Variants in GADL1 observed in about 807,000 individuals in gnomAD.
GADL1 encodes acidic amino acid decarboxylase GADL1.
Under a neutral mutation model 69.5 loss-of-function variants are expected in GADL1, and 71 were observed. The observed-to-expected ratio is 1.02, with a 90% CI of 0.84 to 1.25. GADL1 has a LOEUF of 1.25. Among genes scored for constraint, GADL1 ranks in the 50% most tolerant of loss-of-function variants. The pLI is 0.00. For synonymous variants in GADL1, 254 were observed against 214.4 expected (o/e 1.18, Z -1.62); for missense variants, 737 against 631.8 (o/e 1.17, Z -1.79).
At chr3:30,888,613 C>G (rs1289674582) in intron 1 of GADL1, among the ~76,000 whole-genome samples, 1 of 152,074 alleles carries the variant, frequency 6.6e-6, no homozygotes, top group African/African-American at 2.4e-5. Context: ...GTACTGCCTT[C>G]AAATCAAGAG....
chr3:30,868,927 T>A (rs1028651577), intron 1 of GADL1, among the ~76,000 whole-genome samples: 12 of 151,816 alleles, frequency 7.9e-5, no homozygotes, highest in Non-Finnish European at 1.3e-4. Flanking sequence ...GCAAAGACGC[T>A]GGGGACCAAG....
chr3:30,742,921 A>T (rs1503092), intron 14 of GADL1, among the ~76,000 whole-genome samples: 57,677 of 151,508 alleles, frequency 0.38, 12,472 homozygotes, highest in African/African-American at 0.59. Context: ...TGAAATTGCT[A>T]CTTAAAGCAT....
intron 11 of GADL1, among the ~76,000 whole-genome samples, chr3:30,822,114 G>GA (rs1575221168): frequency 6.6e-6 from 1 of 152,038 alleles, no homozygotes; most frequent in African/African-American, 2.4e-5. Context: ...TTTCTCTATA[G>GA]ATGAATAGTT....
intron 14 of GADL1, among the ~76,000 whole-genome samples, chr3:30,753,678 A>G (rs1695891170): frequency 6.6e-6 from 1 of 152,188 alleles, no homozygotes; most frequent in African/African-American, 2.4e-5. Flanking sequence ...CCCAGTTCAT[A>G]TTTAGATAAT....
intron 12 of GADL1, among the ~76,000 whole-genome samples, chr3:30,794,797 C>CTA (rs1696995507): frequency 6.6e-6 from 1 of 152,162 alleles, no homozygotes; most frequent in African/African-American, 2.4e-5. Context: ...ATGAAGAGGG[C>CTA]TATCTGATCG....
intron 14 of GADL1, among the ~76,000 whole-genome samples, chr3:30,738,390 T>C (rs1559483375): frequency 6.6e-6 from 1 of 152,148 alleles, no homozygotes; most frequent in East Asian, 1.9e-4. Flanking sequence ...AAGAATCATG[T>C]TATCCAAAAT....
At chr3:30,779,661 A>T (rs1559497515) in intron 13 of GADL1, among the ~76,000 whole-genome samples, 1 of 152,244 alleles carries the variant, frequency 6.6e-6, no homozygotes, top group Non-Finnish European at 1.5e-5. Flanking sequence ...TTGAGCATTT[A>T]ATGTGAACAC....
At chr3:30,788,368 T>C (rs749671137) in intron 12 of GADL1, among the ~76,000 whole-genome samples, 10 of 152,204 alleles carry the variant, frequency 6.6e-5, no homozygotes, top group Admixed American at 2.0e-4. Context: ...GAGTTTACAA[T>C]GGCATTATGT....
chr3:30,874,590 C>CT (rs1698550502), intron 1 of GADL1, among the ~76,000 whole-genome samples: 2 of 152,044 alleles, frequency 1.3e-5, no homozygotes, highest in African/African-American at 4.8e-5. Flanking sequence ...ACAGAGATTG[C>CT]TTGAAGCCTG....
intron 8 of GADL1, among the ~76,000 whole-genome samples, chr3:30,842,822 T>TAAAAAA (rs558126002): frequency 8.6e-4 from 89 of 103,434 alleles, no homozygotes; most frequent in African/African-American, 1.9e-3. Context: ...TTGGAATGTT[T>TAAAAAA]AAAAAAAAAA....
intron 11 of GADL1, among the ~76,000 whole-genome samples, chr3:30,820,256 C>T (rs1697547818): frequency 6.6e-6 from 1 of 151,794 alleles, no homozygotes; most frequent in South Asian, 2.1e-4. Flanking sequence ...AAACTCAATA[C>T]TAGATAATTT....
chr3:30,809,945 T>C (rs1697321423), intron 11 of GADL1, among the ~76,000 whole-genome samples: 1 of 152,210 alleles, frequency 6.6e-6, no homozygotes, highest in Non-Finnish European at 1.5e-5. Flanking sequence ...GAGACAACAA[T>C]CTTGCTCTAA....
intron 14 of GADL1, among the ~76,000 whole-genome samples, chr3:30,762,350 G>A (rs1028490280): frequency 3.9e-5 from 6 of 152,100 alleles, no homozygotes; most frequent in Admixed American, 6.6e-5. Context: ...AGGGTCCTTC[G>A]AAGACTGAAG....
At chr3:30,785,598 G>C (rs566742652) in intron 13 of GADL1, among the ~76,000 whole-genome samples, 1 of 151,968 alleles carries the variant, frequency 6.6e-6, no homozygotes, top group African/African-American at 2.4e-5. Context: ...GGCTGGTCTC[G>C]AACTCCTCAC....
intron 8 of GADL1, among the ~76,000 whole-genome samples, chr3:30,841,760 G>A (rs141519407): frequency 6.6e-6 from 1 of 152,090 alleles, no homozygotes; most frequent in Non-Finnish European, 1.5e-5. Flanking sequence ...GGAGTGGAGG[G>A]TATTGTGATG....
At chr3:30,811,051 C>A (rs188493110) in intron 11 of GADL1, among the ~76,000 whole-genome samples, 5 of 152,176 alleles carry the variant, frequency 3.3e-5, no homozygotes, top group Admixed American at 1.3e-4. Flanking sequence ...GACTCCCCTT[C>A]CCCTTCCAGA....
At chr3:30,807,854 A>G (rs1459275850) in intron 11 of GADL1, among the ~76,000 whole-genome samples, 13 of 151,620 alleles carry the variant, frequency 8.6e-5, no homozygotes, top group African/African-American at 3.1e-4. Context: ...CAACATGGCG[A>G]AACACCATCT....
At chr3:30,765,302 T>C (rs1295384496) in intron 14 of GADL1, among the ~76,000 whole-genome samples, 1 of 62,006 alleles carries the variant, frequency 1.6e-5, no homozygotes, top group Non-Finnish European at 3.4e-5. Flanking sequence ...CCTAGGTTTT[T>C]ACTGCAGACC....
intron 11 of GADL1, among the ~76,000 whole-genome samples, chr3:30,808,268 G>C (rs1697291254): frequency 6.6e-6 from 1 of 152,052 alleles, no homozygotes; most frequent in Admixed American, 6.5e-5. Context: ...GGCCGAGGTG[G>C]GCAGATCACT....
Sources: allele counts gnomAD v4.1 joint callset (sites outside exome capture counted in the v4.1 genomes callset), GRCh38; gene constraint gnomAD v4.1.1; transcripts MANE v1.5; gene names NCBI Gene and HGNC (gene_info 2026-07-23, HGNC 2026-07-21).